The following DARS1 variants were observed in gnomAD, a reference collection of about 807,000 sequenced individuals.
DARS1 encodes the protein aspartyl-tRNA synthetase 1.
Under a neutral mutation model 68.8 loss-of-function variants are expected in DARS1, and 51 were observed. The ratio of observed to expected loss-of-function variants is 0.74; its 90% CI spans 0.59 to 0.94. The LOEUF is 0.94. Ranked by LOEUF, DARS1 falls within the 40% of genes least tolerant of loss-of-function variation. DARS1 has a pLI of 0.00. For synonymous variants in DARS1, 203 were observed against 190.4 expected (o/e 1.07, Z -0.55); for missense variants, 607 against 597.3 (o/e 1.02, Z -0.17).
rs1377503675 is a variant in DARS1 at position 135,906,086 on chromosome 2, A to C, written c.*1230T>G. ...GTATTCTGGTAGGATATGAAAGAAA[A>C]AAATAAGAACTGAATCTAAACTTTC... On this transcript the variant is annotated 3_prime_UTR_variant, in exon 16 of 16. Coordinates refer to ENST00000264161, the MANE Select transcript of DARS1 (RefSeq NM_001349.4). 1.3e-5 allele frequency among the ~76,000 whole-genome samples: 2 copies of C among 152,212 alleles called. No homozygotes were observed. The highest frequency in any genetic ancestry group is 6.5e-5 in the Admixed American group (1 of 15,282).
rs745790047 is a variant in DARS1, at chr2:135,912,511, T to C, written c.1205A>G (p.Tyr402Cys). The change falls in exon 13 of 16, where the codon TAT (tyrosine) becomes TGT (cysteine). Residue 402 changes from tyrosine (Y) to cysteine (C), a missense_variant. Coordinates refer to ENST00000264161, the MANE Select transcript of DARS1 (RefSeq NM_001349.4). ...DKYPLAVRPF[Y>C]TMPDPRNPKQ... Reference sequence around the variant, plus strand: ...GGGATTTCTTGGGTCAGGCATGGTATAGAAAGGTCTTACAGCCAATGGATA... The same window carrying C: ...GGGATTTCTTGGGTCAGGCATGGTACAGAAAGGTCTTACAGCCAATGGATA... 2.7e-6 allele frequency: 3 copies of C among 1,130,546 alleles called. No homozygotes were observed. Among genetic ancestry groups the C allele is most frequent in the Non-Finnish European group, 4.0e-6 (3 of 753,118 alleles). The allele number at this position is 1,130,546 out of a possible 1,614,324, so 70.0% of individuals were successfully genotyped here.
chr2:135,950,527 T>C (rs1325120791), intron 4 of DARS1, among the ~76,000 whole-genome samples: 1 of 152,244 alleles, frequency 6.6e-6, no homozygotes, highest in Admixed American at 6.5e-5. Context: ...TTGTTTTATT[T>C]AAGCAACAGA....
chr2:135,943,612 C>T, intron 4 of DARS1, 132 bp from the exon 5 acceptor site: 2 of 1,354,904 alleles, frequency 1.5e-6, no homozygotes, highest in Non-Finnish European at 2.0e-6. Flanking sequence ...TAAAGCCAGT[C>T]TATTTAACCT....
chr2:135,941,050 AG>A (rs1354207346), intron 5 of DARS1, among the ~76,000 whole-genome samples: 1 of 152,260 alleles, frequency 6.6e-6, no homozygotes, highest in Non-Finnish European at 1.5e-5. Context: ...GCACATGGAT[AG>A]GAAGAATCAA....
intron 3 of DARS1, among the ~76,000 whole-genome samples, chr2:135,973,594 C>T (rs1436008490): frequency 6.6e-6 from 1 of 151,998 alleles, no homozygotes; most frequent in Non-Finnish European, 1.5e-5. Flanking sequence ...GTGGCTCACA[C>T]CTGTAATCCA....
intron 10 of DARS1, among the ~76,000 whole-genome samples, chr2:135,919,807 C>G (rs1267074555): frequency 6.6e-6 from 1 of 152,100 alleles, no homozygotes; most frequent in East Asian, 1.9e-4. Flanking sequence ...TTTAAATATC[C>G]GTTCAGTCTA....
intron 5 of DARS1, among the ~76,000 whole-genome samples, chr2:135,942,944 T>C (rs1463149908): frequency 6.6e-6 from 1 of 152,198 alleles, no homozygotes; most frequent in Non-Finnish European, 1.5e-5. Context: ...CTGTGTGACT[T>C]TGACGAGTGG....
intron 4 of DARS1, among the ~76,000 whole-genome samples, chr2:135,957,055 G>A (rs1681991489): frequency 6.6e-6 from 1 of 151,712 alleles, no homozygotes; most frequent in Non-Finnish European, 1.5e-5. Flanking sequence ...GTGACCAACC[G>A]CGCCCGGCCT....
intron 1 of DARS1, 70 bp from the exon 2 acceptor site, chr2:135,983,524 T>G (rs1356294555): frequency 3.2e-6 from 2 of 623,428 alleles, no homozygotes; most frequent in Non-Finnish European, 5.7e-6. Flanking sequence ...ACATAAATAC[T>G]AATAATAGAA....
chr2:135,968,459 C>G (rs991990349), intron 3 of DARS1, among the ~76,000 whole-genome samples: 3 of 151,916 alleles, frequency 2.0e-5, no homozygotes, highest in Non-Finnish European at 4.4e-5. Flanking sequence ...CTTGTAAGTG[C>G]CTTCTTGCTG....
intron 3 of DARS1, among the ~76,000 whole-genome samples, chr2:135,970,953 TA>T (rs1196612497): frequency 6.6e-6 from 1 of 152,094 alleles, no homozygotes; most frequent in Non-Finnish European, 1.5e-5. Flanking sequence ...AAAGCCGTAA[TA>T]AAAAGTCTCC....
intron 10 of DARS1, among the ~76,000 whole-genome samples, chr2:135,919,869 A>G (rs1681080506): frequency 6.6e-6 from 1 of 152,254 alleles, no homozygotes; most frequent in Non-Finnish European, 1.5e-5. Context: ...TTGATTTAAG[A>G]ATTAACCATA....
At chr2:135,978,657 G>A (rs1009506462) in intron 3 of DARS1, among the ~76,000 whole-genome samples, 2 of 152,194 alleles carry the variant, frequency 1.3e-5, no homozygotes, top group African/African-American at 4.8e-5. Flanking sequence ...TGTTGTTGAG[G>A]CTAAATTTTT....
rs919529324 is a variant in DARS1, at chr2:135,907,248, T to C, written c.*68A>G. The C allele has an allele frequency of 4.9e-6, 4 of 818,022 alleles. No individual in the cohort carries two copies. Among genetic ancestry groups the C allele is most frequent in the African/African-American group, 3.8e-5 (2 of 52,818 alleles). 50.7% of individuals were successfully genotyped at this position (818,022 alleles called of 1,614,324 possible). On this transcript the variant is annotated 3_prime_UTR_variant, in exon 16 of 16. Coordinates refer to ENST00000264161, the MANE Select transcript of DARS1 (RefSeq NM_001349.4). ...AAAGAATAAGTGTGGCTTTCTTTTT[T>C]TTTTTTTTTTTTTGAGGCAGGGTCT...
chr2:135,932,843 CTAA>C lies in DARS1; in HGVS notation c.505-4_505-2del. 1 of 1,132,004 alleles carries C rather than the reference CTAA, an allele frequency of 8.8e-7. No individual in the cohort carries two copies. Among genetic ancestry groups the C allele is most frequent in the East Asian group, 2.5e-5 (1 of 39,722 alleles). The allele number at this position is 1,132,004 out of a possible 1,614,324, so 70.1% of individuals were successfully genotyped here. A position where few individuals can be genotyped will look rare whatever the true frequency, so the allele number is the denominator to read the frequency against. ...CCTGGTTAACAGTAGCTCTTCCTTC[CTAA>C]AAAAAAAAAAAAAGAAAAGAAAAAA... On this transcript the variant is annotated splice_acceptor_variant and splice_polypyrimidine_tract_variant and intron_variant, in intron 6 of 15. Transcript: ENST00000264161. LOFTEE classifies it high-confidence loss of function.
intron 4 of DARS1, among the ~76,000 whole-genome samples, chr2:135,944,257 A>C (rs549295068): frequency 1.3e-5 from 2 of 152,316 alleles, no homozygotes; most frequent in Non-Finnish European, 1.5e-5. Flanking sequence ...TTCCCATACA[A>C]AATGTACCAG....
At chr2:135,938,684 C>A (rs1284934106) in intron 5 of DARS1, among the ~76,000 whole-genome samples, 2 of 152,168 alleles carry the variant, frequency 1.3e-5, no homozygotes, top group Admixed American at 6.6e-5. Flanking sequence ...TGTAAATGGG[C>A]TAATTGCTCC....
chr2:135,954,413 C>T (rs1279156149), intron 4 of DARS1, among the ~76,000 whole-genome samples: 1 of 151,438 alleles, frequency 6.6e-6, no homozygotes, highest in Admixed American at 6.6e-5. Context: ...GTATTTACAC[C>T]TCATGGGGCT....
chr2:135,911,252 T>A, intron 14 of DARS1, 42 bp from the exon 15 acceptor site: 2 of 1,076,310 alleles, frequency 1.9e-6, no homozygotes, highest in Non-Finnish European at 2.9e-6. Flanking sequence ...ATCATCTTAT[T>A]TATCTTAAAA....
Sources: gnomAD v4.1 joint callset for allele counts (sites outside exome capture counted in the v4.1 genomes callset) on GRCh38, gnomAD v4.1.1 for gene constraint, MANE v1.5 for transcripts, NCBI Gene and HGNC (gene_info 2026-07-23, HGNC 2026-07-21) for gene names.